NRXN1: variants seen among roughly 807,000 people sequenced by gnomAD.
NRXN1 encodes the protein neurexin 1, also known as neurexin-1.
A neutral mutation model predicts 150.9 loss-of-function variants in NRXN1; 39 were observed. That is an observed-to-expected ratio of 0.26 (90% CI 0.20 to 0.34). The LOEUF (loss-of-function observed/expected upper bound fraction) is 0.34, where lower values mean the gene tolerates loss of function less well. Ranked by LOEUF, NRXN1 falls within the 10% of genes least tolerant of loss-of-function variation. The pLI is 1.00. For synonymous variants in NRXN1, 924 were observed against 757.0 expected (o/e 1.22, Z -3.62); for missense variants, 1,815 against 1,949.9 (o/e 0.93, Z 1.30).
chr2:50,294,542 A>C (rs1392335284), intron 17 of NRXN1, among the ~76,000 whole-genome samples: 2 of 152,226 alleles, frequency 1.3e-5, no homozygotes, highest in Non-Finnish European at 2.9e-5. Flanking sequence ...TGTTCTGGTG[A>C]AGTTCATTGT....
chr2:50,377,312 T>G (rs1183274069), intron 17 of NRXN1, among the ~76,000 whole-genome samples: 1 of 152,072 alleles, frequency 6.6e-6, no homozygotes, highest in Non-Finnish European at 1.5e-5. Context: ...GTGTTCTCAT[T>G]GTTTAGCTCC....
intron 17 of NRXN1, among the ~76,000 whole-genome samples, chr2:50,284,207 A>G (rs2071819355): frequency 6.6e-6 from 1 of 152,192 alleles, no homozygotes; most frequent in Admixed American, 6.5e-5. Context: ...GATGAAAGAT[A>G]ACAATAACAT....
At chr2:50,458,537 T>C (rs564502278) in intron 17 of NRXN1, among the ~76,000 whole-genome samples, 3 of 152,180 alleles carry the variant, frequency 2.0e-5, no homozygotes, top group Admixed American at 1.3e-4. Context: ...TATATTAAAA[T>C]ACCACATGTA....
chr2:49,995,086 T>G (rs1682705360), intron 21 of NRXN1, among the ~76,000 whole-genome samples: 1 of 152,174 alleles, frequency 6.6e-6, no homozygotes, highest in South Asian at 2.1e-4. Context: ...CTTTGCACCT[T>G]TCGATTTCAT....
chr2:50,531,727 T>C (rs2093120410), intron 10 of NRXN1, among the ~76,000 whole-genome samples: 1 of 152,146 alleles, frequency 6.6e-6, no homozygotes. Context: ...TTTTGAGTGT[T>C]TGATTATATG....
chr2:50,458,090 T>C (rs2087762495), intron 17 of NRXN1, among the ~76,000 whole-genome samples: 1 of 152,130 alleles, frequency 6.6e-6, no homozygotes, highest in Non-Finnish European at 1.5e-5. Flanking sequence ...CCTAAGAATC[T>C]GTGGATAAAC....
chr2:50,300,359 T>C (rs913458671), intron 17 of NRXN1, among the ~76,000 whole-genome samples: 1 of 152,198 alleles, frequency 6.6e-6, no homozygotes, highest in South Asian at 2.1e-4. Context: ...TTTTCTCTTA[T>C]GTACTCAAGT....
Position 50,430,189 on chromosome 2 carries a change from G to A in NRXN1, c.3364+35253C>T, listed in dbSNP as rs376123548. Among the ~76,000 whole-genome samples the A allele has an allele frequency of 1.3e-4, 20 of 152,082 alleles. No homozygotes were observed. In the East Asian group the frequency reaches 1.5e-3, roughly 12 times the overall value. On this transcript the variant is annotated intron_variant, in intron 17 of 22. Coordinates refer to ENST00000401669, the MANE Select transcript of NRXN1 (RefSeq NM_001330078.2). ...TGTCATTTTGCCTATCAGTCATGAC[G>A]GGGAGTTTAACCTAGGGTGAGCCAT...
At chr2:50,547,018 AATAG>A (rs142880365) in intron 9 of NRXN1, among the ~76,000 whole-genome samples, 1,627 of 152,318 alleles carry the variant, frequency 0.011, 12 homozygotes, top group Middle Eastern at 0.054. Flanking sequence ...CAGTGCTGGT[AATAG>A]ATAGCTAGAA....
At chr2:50,221,824 C>T (rs1163746490) in intron 18 of NRXN1, among the ~76,000 whole-genome samples, 1 of 152,002 alleles carries the variant, frequency 6.6e-6, no homozygotes, top group African/African-American at 2.4e-5. Flanking sequence ...CCTCTGAGCT[C>T]AGGCTCAGGA....
rs924142603 is a variant in NRXN1, at chr2:50,094,316, A to T, written c.3547-2822T>A. ...TGAATTAATTACCTACTTCTAGTCC[A>T]TCAAAATGCAGAAAAAGGCAAGAGG... On this transcript the variant is annotated intron_variant, in intron 18 of 22. Coordinates refer to ENST00000401669, the MANE Select transcript of NRXN1 (RefSeq NM_001330078.2). Among the ~76,000 whole-genome samples the T allele has an allele frequency of 3.2e-4, 49 of 152,200 alleles. 1 individual carries two copies.
At chr2:50,494,842 G>C (rs1253057206) in intron 15 of NRXN1, among the ~76,000 whole-genome samples, 1 of 152,020 alleles carries the variant, frequency 6.6e-6, no homozygotes, top group Non-Finnish European at 1.5e-5. Context: ...AGAGCAGCCT[G>C]ACCAACACGG....
intron 5 of NRXN1, among the ~76,000 whole-genome samples, chr2:50,911,089 C>T (rs568581522): frequency 2.4e-4 from 37 of 152,212 alleles, no homozygotes; most frequent in African/African-American, 8.7e-4. Flanking sequence ...GATGGGACCA[C>T]TGAGAGATTT....
In NRXN1 at chr2:50,654,752, T is replaced by C. The variant is rs143782414; in HGVS notation, c.833-31137A>G. Among the ~76,000 whole-genome samples the C allele has an allele frequency of 0.011, 1,612 of 152,120 alleles. 73 individuals are homozygous for C. In the East Asian group the frequency reaches 0.14, roughly 13 times the overall value. On this transcript the variant is annotated intron_variant, in intron 5 of 22. Transcript: ENST00000401669. ...TGGTGTGAGATGGTATCTCATTGTG[T>C]TTTTGATTTGCATTTCTCTGATGGC...
intron 18 of NRXN1, among the ~76,000 whole-genome samples, chr2:50,152,042 T>C (rs2058727368): frequency 6.6e-6 from 1 of 151,768 alleles, no homozygotes; most frequent in African/African-American, 2.4e-5. Flanking sequence ...TATTGTGGTA[T>C]AATATACATA....
At chr2:50,853,894 A>G (rs1674888349) in intron 5 of NRXN1, among the ~76,000 whole-genome samples, 1 of 151,996 alleles carries the variant, frequency 6.6e-6, no homozygotes, top group Non-Finnish European at 1.5e-5. Flanking sequence ...GCCAATATAA[A>G]CTGTTAATTT....
rs574656166 is a variant in NRXN1 at position 50,564,469 on chromosome 2, G to T, written c.1321-11444C>A. 1.3e-5 allele frequency among the ~76,000 whole-genome samples: 2 copies of T among 151,964 alleles called. 1 individual carries two copies. The highest frequency in any genetic ancestry group is 3.9e-4 in the East Asian group (2 of 5,188). ...TTCGTAATTTTATCTCATCTCTCTG[G>T]AACTCTACATTTTGACTTTATCTGC... On this transcript the variant is annotated intron_variant, in intron 8 of 22. Transcript: ENST00000401669.
At chr2:50,434,378 G>A (rs2085253959) in intron 17 of NRXN1, among the ~76,000 whole-genome samples, 1 of 151,876 alleles carries the variant, frequency 6.6e-6, no homozygotes, top group Non-Finnish European at 1.5e-5. Context: ...CACCTCGCCC[G>A]GCCATCTTTT....
chr2:50,083,438 T>G (rs1337452625), intron 19 of NRXN1, among the ~76,000 whole-genome samples: 1 of 152,196 alleles, frequency 6.6e-6, no homozygotes, highest in African/African-American at 2.4e-5. Flanking sequence ...GTGTCCAGAA[T>G]TGGTGGGTTC....
Sources: allele counts gnomAD v4.1 joint callset (sites outside exome capture counted in the v4.1 genomes callset), GRCh38; gene constraint gnomAD v4.1.1; transcripts MANE v1.5; gene names NCBI Gene and HGNC (gene_info 2026-07-23, HGNC 2026-07-21).